Variants in ADGRV1 observed in about 807,000 individuals in gnomAD.
ADGRV1 encodes G-protein coupled receptor 98.
ADGRV1 carries 359 observed loss-of-function variants against 596.2 expected under a neutral mutation model. The ratio of observed to expected loss-of-function variants is 0.60; its 90% CI spans 0.55 to 0.66. The LOEUF (loss-of-function observed/expected upper bound fraction) is 0.66. Ranked by LOEUF, ADGRV1 falls within the 30% of genes least tolerant of loss-of-function variation. ADGRV1 has a pLI of 0.00. For synonymous variants in ADGRV1, 2,681 were observed against 2,679.2 expected, an observed-to-expected ratio of 1.00 and a Z score of -0.02; for missense variants, 7,274 against 7,575.6, an observed-to-expected ratio of 0.96 and a Z score of 1.48.
intron 43 of ADGRV1, among the ~76,000 whole-genome samples, chr5:90,718,605 A>G (rs1333123881): frequency 6.6e-6 from 1 of 152,118 alleles, no homozygotes; most frequent in African/African-American, 2.4e-5. Flanking sequence ...ACATTTGCAA[A>G]TGCATATTCA....
At chr5:91,102,785 CA>C (rs941259039) in intron 87 of ADGRV1, among the ~76,000 whole-genome samples, 1 of 152,158 alleles carries the variant, frequency 6.6e-6, no homozygotes, top group African/African-American at 2.4e-5. Context: ...GTGTTTGGTT[CA>C]CTAAAACATG....
intron 58 of ADGRV1, among the ~76,000 whole-genome samples, chr5:90,760,773 A>AAG (rs911771984): frequency 6.6e-6 from 1 of 150,716 alleles, no homozygotes; most frequent in African/African-American, 2.5e-5. Flanking sequence ...TTCAGCCACA[A>AAG]AGAGAGAGAG....
rs754975819 is a variant in ADGRV1, at chr5:90,694,689, A to T, written c.7933A>T (p.Thr2645Ser). ...TTTTATAGGTGCTGGAGAGATTCTG[A>T]CCTTTGCTGAAGGTGAGCAATGGTT... is the stretch of plus-strand genomic sequence containing the variant. ...LDFIGAGEIL[T>S]FAEGETKKTV... Residue 2645 changes from threonine to serine, a missense_variant, in exon 33 of 90, where the codon ACC (threonine) becomes TCC (serine). Physicochemically the swap from Thr to Ser is moderately conservative, Grantham distance 58 (BLOSUM62 1). Coordinates refer to ENST00000405460, the MANE Select transcript of ADGRV1 (RefSeq NM_032119.4). 5.1e-6 allele frequency: 8 copies of T among 1,579,140 alleles called. No individual in the cohort carries two copies. The highest frequency in any genetic ancestry group is 6.9e-6 in the Non-Finnish European group (8 of 1,162,176).
chr5:90,846,172 T>C (rs1468151279), intron 78 of ADGRV1, among the ~76,000 whole-genome samples: 1 of 151,812 alleles, frequency 6.6e-6, no homozygotes, highest in Non-Finnish European at 1.5e-5. Flanking sequence ...AAGTTACATG[T>C]AAGTTACAAA....
intron 85 of ADGRV1, among the ~76,000 whole-genome samples, chr5:91,035,539 C>A (rs918507893): frequency 1.5e-4 from 23 of 151,988 alleles, no homozygotes; most frequent in African/African-American, 4.6e-4. Context: ...GAATGTAATT[C>A]TTGTGAATGG....
chr5:90,865,988 TA>T (rs569286780), intron 83 of ADGRV1, among the ~76,000 whole-genome samples: 6 of 152,196 alleles, frequency 3.9e-5, no homozygotes, highest in Admixed American at 2.0e-4. Context: ...AGAGAAGTCT[TA>T]AAAAAATGCA....
intron 85 of ADGRV1, among the ~76,000 whole-genome samples, chr5:91,024,177 G>C (rs1040003373): frequency 1.3e-5 from 2 of 152,056 alleles, no homozygotes; most frequent in Non-Finnish European, 2.9e-5. Context: ...GTTGATTCTT[G>C]GTGATCTTAG....
intron 83 of ADGRV1, among the ~76,000 whole-genome samples, chr5:90,897,594 T>G (rs1771455528): frequency 6.6e-6 from 1 of 152,218 alleles, no homozygotes; most frequent in Non-Finnish European, 1.5e-5. Context: ...CAAGGTACTC[T>G]TTGGACAAAG....
chr5:91,032,583 A>G (rs922205692), intron 85 of ADGRV1, among the ~76,000 whole-genome samples: 2 of 151,784 alleles, frequency 1.3e-5, no homozygotes, highest in African/African-American at 4.8e-5. Flanking sequence ...GCTAATTATA[A>G]TTATATATAT....
At position 90,794,915 on chromosome 5, in the gene ADGRV1, AG is replaced by A. The variant is rs140393089; in HGVS notation, c.14517+3572del. 0.027 allele frequency among the ~76,000 whole-genome samples: 4,089 copies of A among 151,884 alleles called. 273 individuals are homozygous for A. In the East Asian group the frequency reaches 0.28, roughly 10 times the overall value. Reference sequence around the variant, plus strand: ...TTGCCCCTACCCAAGGGAAGCCATGAGGGACTGAGCCTGAAGAACCATGCAT... The same window carrying A: ...TTGCCCCTACCCAAGGGAAGCCATGAGGACTGAGCCTGAAGAACCATGCAT... On this transcript the variant is annotated intron_variant, in intron 70 of 89. Transcript: ENST00000405460.
chr5:90,850,297 G>C (rs1250276259), intron 79 of ADGRV1, among the ~76,000 whole-genome samples: 4 of 152,118 alleles, frequency 2.6e-5, no homozygotes, highest in Non-Finnish European at 5.9e-5. Context: ...TTTGATGAGT[G>C]AGTCCTGGAA....
At chr5:90,865,479 C>T (rs910922619) in intron 83 of ADGRV1, among the ~76,000 whole-genome samples, 1 of 152,096 alleles carries the variant, frequency 6.6e-6, no homozygotes, top group African/African-American at 2.4e-5. Flanking sequence ...TATGTTGGAG[C>T]ACTGACTTTT....
At chr5:91,077,007 G>A (rs1432474265) in intron 86 of ADGRV1, among the ~76,000 whole-genome samples, 2 of 152,100 alleles carry the variant, frequency 1.3e-5, no homozygotes, top group East Asian at 3.9e-4. Context: ...ACTCTACCAC[G>A]GAGCACTTGA....
At chr5:90,955,349 G>T (rs932541486) in intron 83 of ADGRV1, among the ~76,000 whole-genome samples, 2 of 152,016 alleles carry the variant, frequency 1.3e-5, no homozygotes, top group African/African-American at 4.8e-5. Context: ...TCCCAATTTT[G>T]TATTCCAAAG....
intron 85 of ADGRV1, among the ~76,000 whole-genome samples, chr5:90,995,047 A>G (rs1440667977): frequency 1.3e-5 from 2 of 152,224 alleles, no homozygotes; most frequent in South Asian, 2.1e-4. Context: ...AGCCTCAAGC[A>G]TGCACATGGC....
chr5:90,778,553 C>G lies in ADGRV1; in HGVS notation c.12793C>G (p.Pro4265Ala), dbSNP rs1172525838. Residue 4265 changes from proline (P) to alanine (A), a missense_variant, in exon 63 of 90, where the codon CCC becomes GCC. Pro to Ala is a conservative substitution (Grantham distance 27). Around this residue, in one of 5 missense-constraint regions of ADGRV1, gnomAD observed 3,643 missense variants for 3,809.2 expected, o/e 0.96. Coordinates refer to ENST00000405460, the MANE Select transcript of ADGRV1 (RefSeq NM_032119.4). ...ANITVVASDSPYGRFAFSHEQ... is the reference protein window; with the variant it reads ...ANITVVASDSAYGRFAFSHEQ... ...CATCACGGTGGTGGCCAGCGACTCT[C>G]CCTATGGCCGATTTGCCTTTTCACA... 6.2e-7 allele frequency: 1 copy of G among 1,611,196 alleles called. No individual in the cohort carries two copies. The highest frequency in any genetic ancestry group is 1.3e-5 in the African/African-American group (1 of 74,834).
Position 90,811,170 on chromosome 5 carries a change from C to G in ADGRV1, c.15910C>G (p.Leu5304Val). ...FEEQTLTLIF[L>V]DGERERKVSV... ...AGAACAAACTCTTACCCTTATATTC[C>G]TAGATGGAGAAAGAGAACGTAAAGT... Residue 5304 changes from leucine (L) to valine (V), a missense_variant, in exon 74 of 90, where the codon CTA becomes GTA. Physicochemically the swap from Leu to Val is conservative, Grantham distance 32. Coordinates refer to ENST00000405460, the MANE Select transcript of ADGRV1 (RefSeq NM_032119.4). 1 of 1,613,750 alleles carries G rather than the reference C, an allele frequency of 6.2e-7. No individual in the cohort carries two copies. Among genetic ancestry groups the G allele is most frequent in the Non-Finnish European group, 8.5e-7 (1 of 1,179,784 alleles).
intron 60 of ADGRV1, 66 bp from the exon 61 acceptor site, chr5:90,776,387 T>A (rs1317981893): frequency 1.3e-6 from 2 of 1,493,630 alleles, no homozygotes; most frequent in Non-Finnish European, 1.8e-6. Flanking sequence ...CTTAGAAAGT[T>A]TCCAGGCATA....
At chr5:91,111,812 A>G (rs1792393162) in intron 87 of ADGRV1, among the ~76,000 whole-genome samples, 2 of 152,202 alleles carry the variant, frequency 1.3e-5, no homozygotes, top group Admixed American at 1.3e-4. Flanking sequence ...TGTCAAATTC[A>G]GTGAAAAAAA....
Sources: gnomAD v4.1 joint callset for allele counts (sites outside exome capture counted in the v4.1 genomes callset) on GRCh38, gnomAD v4.1.1 for gene constraint, gnomAD v4.1.1 regional missense constraint, MANE v1.5 for transcripts, NCBI Gene and HGNC (gene_info 2026-07-23, HGNC 2026-07-21) for gene names.